The following C1orf167 variants were observed in gnomAD, a reference collection of about 807,000 sequenced individuals.
C1orf167 encodes the protein uncharacterized protein C1orf167.
C1orf167 carries 153 observed loss-of-function variants against 176.5 expected under a neutral mutation model. That is an observed-to-expected ratio of 0.87 (90% CI 0.76 to 0.99). The LOEUF is 0.99. Among genes scored for constraint, C1orf167 ranks in the 50% least tolerant of loss-of-function variants. The pLI is 0.00. For missense variants in C1orf167, 1,490 were observed against 1,817.7 expected, an observed-to-expected ratio of 0.82 and a Z score of 3.28; for synonymous variants, 594 against 752.7, an observed-to-expected ratio of 0.79 and a Z score of 3.45.
chr1:11,788,275 C>T lies in C1orf167; in HGVS notation c.3975C>T (p.Gly1325=). 2 of 1,303,892 alleles carry T rather than the reference C, an allele frequency of 1.5e-6. No homozygotes were observed. Among genetic ancestry groups the T allele is most frequent in the Non-Finnish European group, 2.0e-6 (2 of 988,710 alleles). The allele number at this position is 1,303,892 out of a possible 1,614,324, so 80.8% of individuals were successfully genotyped here. Residue 1325 remains glycine, a synonymous_variant, in exon 19 of 21, where the codon GGC becomes GGT. Coordinates refer to ENST00000688073, the MANE Select transcript of C1orf167 (RefSeq NM_001010881.2). ...EEVPAAPVPR[G]TASRAAGFPA... ...TACCTGCAGCGCCGGTGCCTCGAGG[C>T]ACTGCTTCACGGGCTGCGGGGTTCC...
chr1:11,787,647 C>A (rs2100452361), intron 17 of C1orf167, 154 bp downstream of exon 17: 1 of 836,806 alleles, frequency 1.2e-6, no homozygotes, highest in Non-Finnish European at 1.6e-6. Flanking sequence ...AATGTTTCAG[C>A]TGTTCTGAGA....
chr1:11,771,752 C>T, intron 7 of C1orf167, 116 bp downstream of exon 7: 3 of 626,262 alleles, frequency 4.8e-6, no homozygotes, highest in Non-Finnish European at 7.4e-6. Flanking sequence ...TTTGCATCTG[C>T]TTTGGCACAT....
At chr1:11,762,616 A>G (rs1642565851) in intron 1 of C1orf167, among the ~76,000 whole-genome samples, 2 of 152,176 alleles carry the variant, frequency 1.3e-5, no homozygotes, top group Non-Finnish European at 2.9e-5. Flanking sequence ...CTTGGGTGGG[A>G]CAGGCCCTTC....
intron 8 of C1orf167, among the ~76,000 whole-genome samples, chr1:11,773,200 C>A (rs1643163873): frequency 1.3e-5 from 2 of 151,610 alleles, no homozygotes; most frequent in African/African-American, 2.4e-5. Flanking sequence ...GCCTGTGGGG[C>A]ATTTTTCTTA....
At chr1:11,787,800 C>T (rs1643928720) in intron 17 of C1orf167, 73 bp from the exon 18 acceptor site, 1 of 1,185,066 alleles carries the variant, frequency 8.4e-7, no homozygotes, top group Admixed American at 3.9e-5. Flanking sequence ...GTACTCAACT[C>T]CTAGGCGGGC....
intron 20 of C1orf167, 98 bp downstream of exon 20, chr1:11,788,844 C>T: frequency 8.8e-7 from 1 of 1,135,530 alleles, no homozygotes; most frequent in Non-Finnish European, 1.2e-6. Flanking sequence ...GCTTTCCCTG[C>T]TTGCCAGCCC....
At chr1:11,775,195 A>C (rs563582115) in intron 8 of C1orf167, among the ~76,000 whole-genome samples, 1 of 152,318 alleles carries the variant, frequency 6.6e-6, no homozygotes, top group African/African-American at 2.4e-5. Context: ...AGGCTGATGC[A>C]GGAGAATCTC....
Position 11,771,645 on chromosome 1 carries a change from TG to T in C1orf167, c.1810+13del. 7.8e-7 allele frequency: 1 copy of T among 1,288,352 alleles called. No homozygotes were observed. Among genetic ancestry groups the T allele is most frequent in the South Asian group, 1.2e-5 (1 of 80,974 alleles). The allele number at this position is 1,288,352 out of a possible 1,614,324, so 79.8% of individuals were successfully genotyped here. A position where few individuals can be genotyped will look rare whatever the true frequency, so the allele number is the denominator to read the frequency against. ...GGCCCTGCAACTGGCTGGTGAGACGTGGGGTGCTGGGAAAGCGGGGAGATGG... is the reference window on the plus strand; with the variant it reads ...GGCCCTGCAACTGGCTGGTGAGACGTGGGTGCTGGGAAAGCGGGGAGATGG... On this transcript the variant is annotated intron_variant, in intron 7 of 20. Coordinates refer to ENST00000688073, the MANE Select transcript of C1orf167 (RefSeq NM_001010881.2).
At chr1:11,763,166 G>A (rs1314283184) in intron 1 of C1orf167, among the ~76,000 whole-genome samples, 2 of 152,182 alleles carry the variant, frequency 1.3e-5, no homozygotes, top group East Asian at 1.9e-4. Context: ...GGGGCTGGGT[G>A]TGGTGGCTCA....
chr1:11,775,659 C>G (rs1262540693), intron 9 of C1orf167, 49 bp downstream of exon 9: 1 of 1,263,622 alleles, frequency 7.9e-7, no homozygotes, highest in Admixed American at 2.6e-5. Flanking sequence ...ACTTAAGCCC[C>G]TTCTTCAGTG....
At chr1:11,781,121 C>T (rs1051889737) in intron 13 of C1orf167, among the ~76,000 whole-genome samples, 3 of 150,704 alleles carry the variant, frequency 2.0e-5, no homozygotes, top group African/African-American at 2.4e-5. Flanking sequence ...CCTCAGCTCC[C>T]CTCGTAGCTG....
chr1:11,787,244 T>G, intron 16 of C1orf167, 144 bp from the exon 17 acceptor site: 1 of 325,666 alleles, frequency 3.1e-6, no homozygotes, highest in Non-Finnish European at 5.7e-6. Context: ...CACCCCATTG[T>G]TGGAATGTCT....
At position 11,769,000 on chromosome 1, in the gene C1orf167, C is replaced by G; in HGVS notation, c.1570C>G (p.Gln524Glu). The change falls in exon 6 of 21, where the codon CAA (glutamine) becomes GAA (glutamate). Residue 524 changes from glutamine (Q) to glutamate (E), a missense_variant. By Grantham distance (29) the Gln-to-Glu change is conservative. Coordinates refer to ENST00000688073, the MANE Select transcript of C1orf167 (RefSeq NM_001010881.2). This position sits in a 1 kb window ranked among gnomAD's most constrained non-coding sequence, Gnocchi z 4.5. The stretch of plus-strand genomic sequence containing the variant: ...GAGAAACCTGGCTTTACAGCAGAAA[C>G]AAGTACAGCCCCACATGCAGGCTGG... ...EWRNLALQQK[Q>E]VQPHMQAGPG... The G allele has an allele frequency of 1.0e-6, 1 of 985,940 alleles. No homozygotes were observed. The highest frequency in any genetic ancestry group is 1.7e-5 in the African/African-American group (1 of 57,370). 61.1% of individuals were successfully genotyped at this position (985,940 alleles called of 1,614,324 possible).
chr1:11,764,521 C>T (rs11121825), intron 2 of C1orf167, 51 bp downstream of exon 2: 817,311 of 1,272,170 alleles, frequency 0.64, 266,521 homozygotes, highest in Admixed American at 0.77. Flanking sequence ...AGGGCCCTCT[C>T]TAGGTATTGG....
At chr1:11,764,157 G>A (rs1328448578) in intron 1 of C1orf167, among the ~76,000 whole-genome samples, 174 bp from the exon 2 acceptor site, 1 of 152,174 alleles carries the variant, frequency 6.6e-6, no homozygotes, top group Non-Finnish European at 1.5e-5. Flanking sequence ...TGGAAAGGGG[G>A]GTGATAAGTA....
rs922527589 is a variant in C1orf167, at chr1:11,785,082, G to C, written c.3426-66G>C. On this transcript the variant is annotated intron_variant, in intron 15 of 20. Transcript: ENST00000688073. ...GAAGGCCCCCTCCCGCAGGGCACTG[G>C]GGGGGCTCCCTGCAGAGAGTCCTGG... 44 of 1,189,476 alleles carry C rather than the reference G, an allele frequency of 3.7e-5. No homozygotes were observed. In the African/African-American group the frequency reaches 7.1e-4, roughly 19 times the overall value. 73.7% of individuals were successfully genotyped at this position (1,189,476 alleles called of 1,614,324 possible).
intron 6 of C1orf167, among the ~76,000 whole-genome samples, chr1:11,770,440 T>A (rs1642996723): frequency 7.5e-6 from 1 of 133,840 alleles, no homozygotes; most frequent in Non-Finnish European, 1.6e-5. Flanking sequence ...TAAAGTCGGT[T>A]ATATTTTTCT....
chr1:11,763,998 A>AGTTTTGGACATATTAATGC (rs1216145149), intron 1 of C1orf167, among the ~76,000 whole-genome samples: 1 of 152,182 alleles, frequency 6.6e-6, no homozygotes, highest in Admixed American at 6.5e-5. Flanking sequence ...GCTGGAGTTC[A>AGTTTTGGACATATTAATGC]GTTTTGGACA....
chr1:11,771,701 A>C, intron 7 of C1orf167, 65 bp downstream of exon 7: 12 of 1,061,498 alleles, frequency 1.1e-5, no homozygotes, highest in African/African-American at 1.6e-5. Context: ...TGAGCTCCAC[A>C]CTGGGCAGGG....
Sources: allele counts gnomAD v4.1 joint callset (sites outside exome capture counted in the v4.1 genomes callset), GRCh38; gene constraint gnomAD v4.1.1; non-coding constraint Gnocchi (gnomAD v3.1); transcripts MANE v1.5; gene names NCBI Gene and HGNC (gene_info 2026-07-23, HGNC 2026-07-21).